Variants in OLFM1 observed in about 807,000 individuals in gnomAD.
OLFM1 encodes the protein noelin.
OLFM1 carries 9 observed loss-of-function variants against 49.7 expected under a neutral mutation model. The ratio of observed to expected loss-of-function variants is 0.18; its 90% confidence interval spans 0.11 to 0.32. The LOEUF (loss-of-function observed/expected upper bound fraction) is 0.32. Ranked by LOEUF, OLFM1 falls within the 10% of genes least tolerant of loss-of-function variation. OLFM1 has a pLI of 1.00. For synonymous variants in OLFM1, 240 were observed against 271.8 expected (o/e 0.88, Z 1.15); for missense variants, 369 against 661.8 (o/e 0.56, Z 4.85).
chr9:135,091,674 C>CACACTCACACAGTCACACACAG (rs879648450), intron 2 of OLFM1, among the ~76,000 whole-genome samples: 1 of 39,460 alleles, frequency 2.5e-5, no homozygotes, highest in African/African-American at 1.2e-4. Context: ...CAGTCACACA[C>CACACTCACACAGTCACACACAG]TCACACATAG....
At chr9:135,075,521 GGACGC>G in exon 1 of OLFM1, 1 of 395,940 alleles carries the variant, frequency 2.5e-6, no homozygotes, top group Non-Finnish European at 4.4e-6. Context: ...GCCGGAACCG[GGACGC>G]GATAAATATG....
intron 1 of OLFM1, chr9:135,076,046 CT>C: frequency 6.9e-7 from 1 of 1,450,098 alleles, no homozygotes. Flanking sequence ...CAGCTGCCCC[CT>C]TTTTCCTAGG....
chr9:135,119,560 G>A lies in OLFM1; in HGVS notation c.840G>A (p.Met280Ile), dbSNP rs763733144. Residue 280 changes from methionine to isoleucine, a missense_variant, in exon 6 of 6, where the codon ATG (methionine) becomes ATA (isoleucine). Physicochemically the swap from Met to Ile is conservative, Grantham distance 10. Coordinates refer to ENST00000371793, the MANE Select transcript of OLFM1 (RefSeq NM_001282611.2). Reference protein sequence around the residue: ...NNRFVREYKSMVDFMNTDNFT... With the variant: ...NNRFVREYKSIVDFMNTDNFT... ...GCTTCGTACGTGAGTACAAGTCCAT[G>A]GTTGACTTCATGAACACGGACAATT... 1 of 1,613,978 alleles carries A rather than the reference G, an allele frequency of 6.2e-7. No homozygotes were observed. The highest frequency in any genetic ancestry group is 8.5e-7 in the Non-Finnish European group (1 of 1,180,022).
intron 2 of OLFM1, among the ~76,000 whole-genome samples, chr9:135,091,875 TCA>T (rs199822860): frequency 0.043 from 3,684 of 85,786 alleles, 63 homozygotes; most frequent in Middle Eastern, 0.055. Context: ...TCACACACAG[TCA>T]CACACACACT....
Position 135,088,648 on chromosome 9 carries a change from G to T in OLFM1, c.150+509G>T, listed in dbSNP as rs1363541980. ...CGGGCTGGGAGTGGGGCCCCAGCCG[G>T]TGGGCTCCGGAGCTCCTGCCCGCGC... On this transcript the variant is annotated intron_variant, in intron 1 of 5. Transcript: ENST00000371793. This position sits in a 1 kb window ranked among gnomAD's most constrained non-coding sequence, Gnocchi z 4.8. Among the ~76,000 whole-genome samples, 1 of 152,078 alleles carries T rather than the reference G, an allele frequency of 6.6e-6. No individual in the cohort carries two copies. The highest frequency in any genetic ancestry group is 1.5e-5 in the Non-Finnish European group (1 of 67,998).
At chr9:135,108,405 G>A (rs985657426) in intron 5 of OLFM1, among the ~76,000 whole-genome samples, 6 of 152,064 alleles carry the variant, frequency 3.9e-5, no homozygotes, top group African/African-American at 7.2e-5. Flanking sequence ...AGGCTGAGGC[G>A]GGCGGATCAC....
chr9:135,099,304 T>C (rs1382924682), intron 4 of OLFM1, among the ~76,000 whole-genome samples: 2 of 152,246 alleles, frequency 1.3e-5, no homozygotes, highest in African/African-American at 4.8e-5. Context: ...GTTGTTTTCA[T>C]ACTACCTACT....
chr9:135,101,576 T>A (rs1490691446), intron 4 of OLFM1, among the ~76,000 whole-genome samples: 1 of 152,208 alleles, frequency 6.6e-6, no homozygotes, highest in Admixed American at 6.5e-5. Context: ...AATCTGAACC[T>A]CTCCTCTCGG....
chr9:135,083,064 A>T (rs1350875816), upstream of OLFM1, among the ~76,000 whole-genome samples: 1 of 152,170 alleles, frequency 6.6e-6, no homozygotes, highest in African/African-American at 2.4e-5. Flanking sequence ...TCACCTTTGA[A>T]TTCATGTCAG....
In OLFM1 at chr9:135,117,895, A is replaced by G. The variant is rs1831116746; in HGVS notation, c.784-1609A>G. Among the ~76,000 whole-genome samples the G allele has an allele frequency of 1.3e-5, 2 of 152,070 alleles. No homozygotes were observed. Among genetic ancestry groups the G allele is most frequent in the Admixed American group, 6.5e-5 (1 of 15,276 alleles). On this transcript the variant is annotated intron_variant, in intron 5 of 5. Coordinates refer to ENST00000371793, the MANE Select transcript of OLFM1 (RefSeq NM_001282611.2). This position sits in a 1 kb window ranked among gnomAD's most constrained non-coding sequence, Gnocchi z 5.5. Reference sequence around the variant, plus strand: ...TCCTTTCTTCAAACTGTGTGTTCCCATCTCACCTTCCCACTAGACCCTTTC... The same window carrying G: ...TCCTTTCTTCAAACTGTGTGTTCCCGTCTCACCTTCCCACTAGACCCTTTC...
chr9:135,109,167 G>T (rs976061620), intron 5 of OLFM1, among the ~76,000 whole-genome samples: 4 of 152,214 alleles, frequency 2.6e-5, no homozygotes, highest in African/African-American at 9.6e-5. Flanking sequence ...TGCTCTGTCT[G>T]TATCTAACGC....
At chr9:135,085,399 A>G (rs954025076), upstream of OLFM1, among the ~76,000 whole-genome samples, 6 of 152,244 alleles carry the variant, frequency 3.9e-5, no homozygotes. Flanking sequence ...CACCATGTGT[A>G]TGGGCTTAGC....
rs1364450739 is a variant in OLFM1 at position 135,119,536 on chromosome 9, C to T, written c.816C>T (p.Arg272=). The T allele has an allele frequency of 6.2e-7, 1 of 1,612,346 alleles. No individual in the cohort carries two copies. Among genetic ancestry groups the T allele is most frequent in the East Asian group, 2.2e-5 (1 of 44,864 alleles). Residue 272 remains arginine, a synonymous_variant, in exon 6 of 6, where the codon CGC becomes CGT. Transcript: ENST00000371793. ...ACATGGACGGCTATCACAACAACCG[C>T]TTCGTACGTGAGTACAAGTCCATGG... is the stretch of plus-strand genomic sequence containing the variant. ...VWYMDGYHNN[R]FVREYKSMVD...
intron 3 of OLFM1, among the ~76,000 whole-genome samples, chr9:135,096,278 T>G (rs1375595704): frequency 2.5e-4 from 30 of 118,216 alleles, no homozygotes; most frequent in Admixed American, 1.9e-3. Context: ...TCTCCTCCTC[T>G]TCCCCCTCAT....
rs2119085437 is a variant in OLFM1 at position 135,080,101 on chromosome 9, C to T, written c.96+4299C>T. ...TGAGGCCCATCCCTCTGAATCTGTT[C>T]CTCATCCCCCCATTTAGCTCATTCT... is the stretch of plus-strand genomic sequence containing the variant. On this transcript the variant is annotated intron_variant, in intron 1 of 5. Transcript: ENST00000252854. The surrounding 1 kb of genome is among the most constrained non-coding windows in gnomAD (Gnocchi z 4.5). Among the ~76,000 whole-genome samples the T allele has an allele frequency of 6.8e-6, 1 of 146,566 alleles. No homozygotes were observed. The highest frequency in any genetic ancestry group is 3.4e-3 in the Middle Eastern group (1 of 292).
At chr9:135,079,805 C>A (rs1169885813) in intron 1 of OLFM1, among the ~76,000 whole-genome samples, 1 of 152,068 alleles carries the variant, frequency 6.6e-6, no homozygotes, top group Non-Finnish European at 1.5e-5. Context: ...AAACATGACA[C>A]CCCTGGATGC....
In OLFM1 at chr9:135,110,934, C is replaced by T. The variant is rs150749164; in HGVS notation, c.783+4079C>T. Among the ~76,000 whole-genome samples, 386 of 152,328 alleles carry T rather than the reference C, an allele frequency of 2.5e-3. 1 individual carries two copies. The highest frequency in any genetic ancestry group is 8.4e-3 in the African/African-American group (348 of 41,558). ...ACGCCAAGACCCCTTAAATAGCATC[C>T]GCTTCCCACTTCCCGGGGGCTGCAT... On this transcript the variant is annotated intron_variant, in intron 5 of 5. Coordinates refer to ENST00000371793, the MANE Select transcript of OLFM1 (RefSeq NM_001282611.2).
Position 135,119,705 on chromosome 9 carries a change from A to T in OLFM1, c.985A>T (p.Thr329Ser). The T allele has an allele frequency of 6.2e-7, 1 of 1,614,098 alleles. No individual in the cohort carries two copies. The highest frequency in any genetic ancestry group is 1.7e-5 in the Admixed American group (1 of 60,018). The change falls in exon 6 of 6, where the codon ACC becomes TCC. Residue 329 changes from threonine to serine, a missense_variant. Transcript: ENST00000371793. ...IIIRFDLKTE[T>S]ILKTRSLDYA... Reference sequence around the variant, plus strand: ...CATCAGGTTTGACCTGAAGACAGAGACCATCCTCAAGACCCGCAGCCTGGA... The same window carrying T: ...CATCAGGTTTGACCTGAAGACAGAGTCCATCCTCAAGACCCGCAGCCTGGA...
intron 5 of OLFM1, among the ~76,000 whole-genome samples, chr9:135,112,395 C>T (rs1831035698): frequency 6.6e-6 from 1 of 152,254 alleles, no homozygotes. Flanking sequence ...GCCTGGGGAA[C>T]CCCAAGATTC....
Sources: gnomAD v4.1 joint callset for allele counts (sites outside exome capture counted in the v4.1 genomes callset) on GRCh38, gnomAD v4.1.1 for gene constraint, Gnocchi (gnomAD v3.1) non-coding constraint, MANE v1.5 for transcripts, NCBI Gene and HGNC (gene_info 2026-07-23, HGNC 2026-07-21) for gene names.